The following GPX1 variants were observed in gnomAD, a reference collection of about 807,000 sequenced individuals.
GPX1 encodes the protein GSHPx-1.
A neutral mutation model predicts 11.5 loss-of-function variants in GPX1; 8 were observed. That is an observed-to-expected ratio of 0.70 (90% CI 0.41 to 1.25). GPX1 has a LOEUF of 1.25. GPX1 is among the 50% of genes most tolerant of loss of function. The probability of loss-of-function intolerance (pLI) is 0.01; values close to 1 mark genes in which losing one functional copy is unlikely to be tolerated. For synonymous variants in GPX1, 142 were observed against 127.8 expected, an observed-to-expected ratio of 1.11 and a Z score of -0.75; for missense variants, 266 against 284.3, an observed-to-expected ratio of 0.94 and a Z score of 0.46.
chr3:49,358,240 GGCCGCC>G lies in GPX1; in HGVS notation c.33_38del (p.Ala12_Ala13del), dbSNP rs17838762. ...GCGCCGAGAAGGCATACACCGACTG[GGCCGCC>G]GCCGCCGCCGCCGCTAGCCGAGCAG... On this transcript the variant is annotated inframe_deletion, in exon 1 of 2. Transcript: ENST00000419783. 0.46 allele frequency: 696,046 copies of G among 1,517,264 alleles called. 171,628 individuals carry two copies. Among genetic ancestry groups the G allele is most frequent in the East Asian group, 0.93 (37,909 of 40,572 alleles). 94.0% of individuals were successfully genotyped at this position (1,517,264 alleles called of 1,614,324 possible).
At position 49,357,496 on chromosome 3, in the gene GPX1, C is replaced by G. The variant is rs2047860546; in HGVS notation, c.504G>C (p.Leu168=). Residue 168 remains leucine, a synonymous_variant, in exon 2 of 2, where the codon CTG becomes CTC. Transcript: ENST00000419783. ...NDVAWNFEKF[L]VGPDGVPLRR... is the part of the protein sequence containing the mutation. Reference sequence around the variant, plus strand: ...GTAGGGGCACACCGTCAGGGCCCACCAGGAACTTCTCAAAGTTCCAGGCAA... The same window carrying G: ...GTAGGGGCACACCGTCAGGGCCCACGAGGAACTTCTCAAAGTTCCAGGCAA... 1 of 1,613,636 alleles carries G rather than the reference C, an allele frequency of 6.2e-7. No individual in the cohort carries two copies.
At chr3:49,357,979 C>CACACCGCCGG (rs1559489568) in intron 1 of GPX1, 48 bp downstream of exon 1, 1 of 1,559,280 alleles carries the variant, frequency 6.4e-7, no homozygotes, top group Non-Finnish European at 8.7e-7. Flanking sequence ...GCGCCCCCAG[C>CACACCGCCGG]CACTACTGCA....
Position 49,357,499 on chromosome 3 carries a change from G to A in GPX1, c.501C>T (p.Phe167=), listed in dbSNP as rs778755707. ...RNDVAWNFEK[F]LVGPDGVPLR... ...GGGGCACACCGTCAGGGCCCACCAG[G>A]AACTTCTCAAAGTTCCAGGCAACAT... Residue 167 remains phenylalanine (F), a synonymous_variant, in exon 2 of 2, where the codon TTC becomes TTT. Transcript: ENST00000419783. The A allele has an allele frequency of 5.6e-6, 9 of 1,613,614 alleles. No homozygotes were observed. The highest frequency in any genetic ancestry group is 2.2e-5 in the South Asian group (2 of 91,068).
chr3:49,357,306 T>C lies in GPX1; in HGVS notation c.*82A>G, dbSNP rs2047855275. 3.0e-6 allele frequency: 4 copies of C among 1,347,720 alleles called. No individual in the cohort carries two copies. In the East Asian group the frequency reaches 6.9e-5, roughly 23 times the overall value. The allele number at this position is 1,347,720 out of a possible 1,614,324, so 83.5% of individuals were successfully genotyped here. ...ATCAGGTGTTCCTCCCTCGTAGGTT[T>C]AGAGGAAACACCCTCATAGATGAAA... On this transcript the variant is annotated 3_prime_UTR_variant, in exon 2 of 2. Coordinates refer to ENST00000419783, the MANE Select transcript of GPX1 (RefSeq NM_000581.4).
In GPX1 at chr3:49,358,319, G is replaced by T. The variant is rs41276539; in HGVS notation, c.-41C>A. 2.0e-3 allele frequency: 3,095 copies of T among 1,513,750 alleles called. 41 individuals carry two copies. Among genetic ancestry groups the T allele is most frequent in the South Asian group, 0.018 (1,419 of 79,770 alleles). 93.8% of individuals were successfully genotyped at this position (1,513,750 alleles called of 1,614,324 possible). A position where few individuals can be genotyped will look rare whatever the true frequency, so the allele number is the denominator to read the frequency against. Reference sequence around the variant, plus strand: ...GAAGCCAGCGGAGCGCCCCGAACAAGCACTGTAAGGGGAGGCCAGCAGGCG... The same window carrying T: ...GAAGCCAGCGGAGCGCCCCGAACAATCACTGTAAGGGGAGGCCAGCAGGCG... On this transcript the variant is annotated 5_prime_UTR_variant, in exon 1 of 2. Coordinates refer to ENST00000419783, the MANE Select transcript of GPX1 (RefSeq NM_000581.4).
Position 49,357,698 on chromosome 3 carries a change from G to C in GPX1, c.302C>G (p.Pro101Arg), listed in dbSNP as rs746367588. The change falls in exon 2 of 2, where the codon CCT becomes CGT. Residue 101 changes from proline to arginine, a missense_variant. Pro to Arg is a moderately radical substitution (Grantham distance 103, BLOSUM62 -2). Coordinates refer to ENST00000419783, the MANE Select transcript of GPX1 (RefSeq NM_000581.4). ...EILNSLKYVR[P>R]GGGFEPNFML... ...GAAGTTGGGCTCGAACCCACCACCA[G>C]GCCGGACGTACTTGAGGGAATTCAG... 4.3e-6 allele frequency: 7 copies of C among 1,612,240 alleles called. No homozygotes were observed. The highest frequency in any genetic ancestry group is 1.3e-5 in the African/African-American group (1 of 75,010).
In GPX1 at chr3:49,358,025, AC is replaced by A. The variant is rs2047877342; in HGVS notation, c.252+1del. On this transcript the variant is annotated splice_donor_variant, in intron 1 of 1. Coordinates refer to ENST00000419783, the MANE Select transcript of GPX1 (RefSeq NM_000581.4). LOFTEE classifies it high-confidence loss of function. ...CGCCCCGCCCCGCTCCGCCCGGCGC[AC>A]CTGATGCCCAAACTGGTTGCACGGG... is the stretch of plus-strand genomic sequence containing the variant. The A allele has an allele frequency of 6.2e-7, 1 of 1,606,484 alleles. No individual in the cohort carries two copies. Among genetic ancestry groups the A allele is most frequent in the Non-Finnish European group, 8.5e-7 (1 of 1,177,456 alleles).
chr3:49,357,508 A>AG lies in GPX1; in HGVS notation c.491_492insC (p.Glu165Ter). 1 of 1,613,636 alleles carries AG rather than the reference A, an allele frequency of 6.2e-7. No individual in the cohort carries two copies. The highest frequency in any genetic ancestry group is 1.3e-5 in the African/African-American group (1 of 75,042). On this transcript the variant is annotated frameshift_variant, in exon 2 of 2. Transcript: ENST00000419783. LOFTEE classifies it high-confidence loss of function. ...CGTCAGGGCCCACCAGGAACTTCTCAAAGTTCCAGGCAACATCGTTGCGAC... is the reference window on the plus strand; with the variant it reads ...CGTCAGGGCCCACCAGGAACTTCTCAGAAGTTCCAGGCAACATCGTTGCGAC...
chr3:49,357,638 C>G lies in GPX1; in HGVS notation c.362G>C (p.Gly121Ala), dbSNP rs761821693. ...LFEKCEVNGA[G>A]AHPLFAFLRE... ...CAGGAAGGCGAAGAGAGGGTGCGCC[C>G]CCGCACCGTTCACCTCGCACTTCTC... Residue 121 changes from glycine to alanine, a missense_variant, in exon 2 of 2, where the codon GGG becomes GCG. Physicochemically the swap from Gly to Ala is moderately conservative, Grantham distance 60. Coordinates refer to ENST00000419783, the MANE Select transcript of GPX1 (RefSeq NM_000581.4). The G allele has an allele frequency of 3.7e-6, 6 of 1,613,498 alleles. No homozygotes were observed. The African/African-American group carries it at 6.7e-5, about 18-fold the overall frequency.
intron 1 of GPX1, 80 bp downstream of exon 1, chr3:49,357,947 G>A: frequency 4.2e-6 from 6 of 1,439,434 alleles, no homozygotes; most frequent in East Asian, 2.4e-5. Context: ...TGGAGCCGAC[G>A]GCACCCACCA....
At chr3:49,357,954 A>G (rs748307722) in intron 1 of GPX1, 73 bp downstream of exon 1, 4 of 1,530,972 alleles carry the variant, frequency 2.6e-6, no homozygotes, top group South Asian at 2.5e-5. Flanking sequence ...GACGGCACCC[A>G]CCAGCACACC....
At position 49,358,320 on chromosome 3, in the gene GPX1, C is replaced by A. The variant is rs992812466; in HGVS notation, c.-42G>T. On this transcript the variant is annotated 5_prime_UTR_variant, in exon 1 of 2. Coordinates refer to ENST00000419783, the MANE Select transcript of GPX1 (RefSeq NM_000581.4). ...AAGCCAGCGGAGCGCCCCGAACAAG[C>A]ACTGTAAGGGGAGGCCAGCAGGCGC... The A allele has an allele frequency of 6.6e-7, 1 of 1,510,448 alleles. No individual in the cohort carries two copies. Among genetic ancestry groups the A allele is most frequent in the Non-Finnish European group, 8.9e-7 (1 of 1,124,516 alleles). The allele number at this position is 1,510,448 out of a possible 1,614,324, so 93.6% of individuals were successfully genotyped here.
At position 49,357,331 on chromosome 3, in the gene GPX1, A is replaced by AC. The variant is rs2047855925; in HGVS notation, c.*56_*57insG. The AC allele has an allele frequency of 6.5e-7, 1 of 1,530,636 alleles. No individual in the cohort carries two copies. The highest frequency in any genetic ancestry group is 8.9e-7 in the Non-Finnish European group (1 of 1,123,960). 94.8% of individuals were successfully genotyped at this position (1,530,636 alleles called of 1,614,324 possible). A position where few individuals can be genotyped will look rare whatever the true frequency, so the allele number is the denominator to read the frequency against. On this transcript the variant is annotated 3_prime_UTR_variant, in exon 2 of 2. Transcript: ENST00000419783. ...TAGAGGAAACACCCTCATAGATGAA[A>AC]ACCCCCCCGAGACAGCAGCACTGCA...
rs935126902 is a variant in GPX1, at chr3:49,357,280, G to A, written c.*108C>T. ...CATCTCGAGGTGGTATTTTCTGTAA[G>A]ATCAGGTGTTCCTCCCTCGTAGGTT... On this transcript the variant is annotated 3_prime_UTR_variant, in exon 2 of 2. Coordinates refer to ENST00000419783, the MANE Select transcript of GPX1 (RefSeq NM_000581.4). 2 of 1,088,368 alleles carry A rather than the reference G, an allele frequency of 1.8e-6. No individual in the cohort carries two copies. Among genetic ancestry groups the A allele is most frequent in the Admixed American group, 4.7e-5 (2 of 42,744 alleles). 67.4% of individuals were successfully genotyped at this position (1,088,368 alleles called of 1,614,324 possible). A position where few individuals can be genotyped will look rare whatever the true frequency, so the allele number is the denominator to read the frequency against.
In GPX1 at chr3:49,357,325, G is replaced by A. The variant is rs2047855783; in HGVS notation, c.*63C>T. 5 of 1,504,190 alleles carry A rather than the reference G, an allele frequency of 3.3e-6. No individual in the cohort carries two copies. The South Asian group carries it at 3.5e-5, about 11-fold the overall frequency. 93.2% of individuals were successfully genotyped at this position (1,504,190 alleles called of 1,614,324 possible). Reference sequence around the variant, plus strand: ...TAGGTTTAGAGGAAACACCCTCATAGATGAAAACCCCCCCGAGACAGCAGC... The same window carrying A: ...TAGGTTTAGAGGAAACACCCTCATAAATGAAAACCCCCCCGAGACAGCAGC... On this transcript the variant is annotated 3_prime_UTR_variant, in exon 2 of 2. Coordinates refer to ENST00000419783, the MANE Select transcript of GPX1 (RefSeq NM_000581.4).
intron 1 of GPX1, 60 bp from the exon 2 acceptor site, chr3:49,357,807 C>T: frequency 6.5e-7 from 1 of 1,549,280 alleles, no homozygotes; most frequent in Non-Finnish European, 8.7e-7. Flanking sequence ...ACGTTCTAAC[C>T]ACAAACAAGG....
Position 49,358,007 on chromosome 3 carries a change from C to T in GPX1, c.252+20G>A. 2.5e-6 allele frequency: 4 copies of T among 1,600,246 alleles called. No individual in the cohort carries two copies. Among genetic ancestry groups the T allele is most frequent in the Non-Finnish European group, 3.4e-6 (4 of 1,173,696 alleles). On this transcript the variant is annotated intron_variant, in intron 1 of 1. Coordinates refer to ENST00000419783, the MANE Select transcript of GPX1 (RefSeq NM_000581.4). Reference sequence around the variant, plus strand: ...CTACTGCACGTCCGCCCCCGCCCCGCCCCGCTCCGCCCGGCGCACCTGATG... The same window carrying T: ...CTACTGCACGTCCGCCCCCGCCCCGTCCCGCTCCGCCCGGCGCACCTGATG...
rs1253033359 is a variant in GPX1, at chr3:49,357,764, C to G, written c.253-17G>C. The G allele has an allele frequency of 1.3e-6, 2 of 1,589,670 alleles. No individual in the cohort carries two copies. The highest frequency in any genetic ancestry group is 4.5e-5 in the East Asian group (2 of 44,324). ...GGCGTTCTCCTACAGGAGAGAAGGG[C>G]AGCTAGAACCCGGGGTCAAGAGGAG... On this transcript the variant is annotated splice_polypyrimidine_tract_variant and intron_variant, in intron 1 of 1. Coordinates refer to ENST00000419783, the MANE Select transcript of GPX1 (RefSeq NM_000581.4).
At position 49,357,647 on chromosome 3, in the gene GPX1, T is replaced by G; in HGVS notation, c.353A>C (p.Asn118Thr). 1 of 1,612,980 alleles carries G rather than the reference T, an allele frequency of 6.2e-7. No homozygotes were observed. The highest frequency in any genetic ancestry group is 8.5e-7 in the Non-Finnish European group (1 of 1,179,798). The change falls in exon 2 of 2, where the codon AAC (asparagine) becomes ACC (threonine). Residue 118 changes from asparagine (N) to threonine (T), a missense_variant. Physicochemically the swap from Asn to Thr is moderately conservative, Grantham distance 65. Coordinates refer to ENST00000419783, the MANE Select transcript of GPX1 (RefSeq NM_000581.4). ...GAAGAGAGGGTGCGCCCCCGCACCG[T>G]TCACCTCGCACTTCTCGAAGAGCAT... Reference protein sequence around the residue: ...NFMLFEKCEVNGAGAHPLFAF... With the variant: ...NFMLFEKCEVTGAGAHPLFAF...
Sources: gnomAD v4.1 joint callset for allele counts on GRCh38, gnomAD v4.1.1 for gene constraint, MANE v1.5 for transcripts, NCBI Gene and HGNC (gene_info 2026-07-23, HGNC 2026-07-21) for gene names.